The following PIBF1 variants were observed in gnomAD, a reference collection of about 807,000 sequenced individuals.
The protein encoded by PIBF1 is progesterone-induced-blocking factor 1.
A neutral mutation model predicts 112.5 loss-of-function variants in PIBF1; 90 were observed. That is an observed-to-expected ratio of 0.80 (90% CI 0.67 to 0.95). The LOEUF (loss-of-function observed/expected upper bound fraction) is 0.95, where lower values mean the gene tolerates loss of function less well. PIBF1 is among the 40% of genes least tolerant of loss of function. PIBF1 has a pLI of 0.00. For missense variants in PIBF1, 915 were observed against 852.3 expected, an observed-to-expected ratio of 1.07 and a Z score of -0.92; for synonymous variants, 301 against 288.6, an observed-to-expected ratio of 1.04 and a Z score of -0.44.
intron 9 of PIBF1, among the ~76,000 whole-genome samples, chr13:72,846,845 T>G (rs1004473313): frequency 2.0e-5 from 3 of 152,332 alleles, no homozygotes; most frequent in Admixed American, 1.3e-4. Flanking sequence ...GTAGGAGTTT[T>G]CATGTATCGT....
chr13:72,799,983 A>G (rs896073349), intron 5 of PIBF1, among the ~76,000 whole-genome samples: 1 of 152,216 alleles, frequency 6.6e-6, no homozygotes, highest in African/African-American at 2.4e-5. Flanking sequence ...CTTGCCAAAC[A>G]CTAGGAAAAA....
chr13:72,854,817 G>GT (rs561575042), intron 10 of PIBF1, among the ~76,000 whole-genome samples: 16,550 of 144,196 alleles, frequency 0.11, 1,183 homozygotes, highest in Non-Finnish European at 0.17. Context: ...ATACTCCCTA[G>GT]TTTTTTTTTT....
At chr13:72,888,516 G>A (rs961431233) in intron 10 of PIBF1, among the ~76,000 whole-genome samples, 2 of 152,066 alleles carry the variant, frequency 1.3e-5, no homozygotes, top group Non-Finnish European at 2.9e-5. Context: ...TTAAATGTTT[G>A]CTTGTGCATG....
At chr13:72,855,721 T>C (rs1280138519) in intron 10 of PIBF1, among the ~76,000 whole-genome samples, 1 of 152,150 alleles carries the variant, frequency 6.6e-6, no homozygotes. Context: ...GTAAATCAGC[T>C]CCTTTCATTA....
At chr13:72,820,663 G>A (rs151068281) in intron 5 of PIBF1, among the ~76,000 whole-genome samples, 11 of 152,216 alleles carry the variant, frequency 7.2e-5, no homozygotes, top group African/African-American at 2.6e-4. Context: ...TGCCTAATCC[G>A]TGACCAGTCA....
At chr13:72,914,283 GTAT>G (rs2041007650) in intron 12 of PIBF1, among the ~76,000 whole-genome samples, 1 of 151,554 alleles carries the variant, frequency 6.6e-6, no homozygotes, top group African/African-American at 2.4e-5. Flanking sequence ...AATCAAATAA[GTAT>G]TATTTGGATA....
chr13:72,958,813 CG>C (rs1225076102), intron 14 of PIBF1, among the ~76,000 whole-genome samples: 8 of 152,114 alleles, frequency 5.3e-5, no homozygotes, highest in Admixed American at 2.0e-4. Context: ...AAGTTCAAGA[CG>C]TAAAATGATT....
At chr13:72,884,481 G>C (rs528991931) in intron 10 of PIBF1, 1 of 152,120 alleles carries the variant, frequency 6.6e-6, no homozygotes, top group Non-Finnish European at 1.5e-5. Context: ...GAGGACATAA[G>C]AAAAGTGTAG....
intron 14 of PIBF1, among the ~76,000 whole-genome samples, chr13:72,932,669 G>A (rs2138776063): frequency 6.6e-6 from 1 of 152,276 alleles, no homozygotes; most frequent in Non-Finnish European, 1.5e-5. Context: ...AGTACTTAAT[G>A]TTTGCACCAT....
chr13:72,964,103 A>G (rs956738905), intron 14 of PIBF1, among the ~76,000 whole-genome samples: 3 of 152,250 alleles, frequency 2.0e-5, no homozygotes, highest in African/African-American at 7.2e-5. Context: ...CAAGAGATCA[A>G]TGGATAAACA....
chr13:72,883,653 A>C (rs903087030), intron 10 of PIBF1, among the ~76,000 whole-genome samples: 2 of 152,064 alleles, frequency 1.3e-5, no homozygotes, highest in Non-Finnish European at 2.9e-5. Context: ...ACACCAGCTA[A>C]TTTTTTCTAT....
intron 16 of PIBF1, chr13:72,974,107 A>G (rs2042964224): frequency 5.8e-6 from 1 of 171,840 alleles, no homozygotes; most frequent in South Asian, 2.0e-4. Context: ...TATAATTCCT[A>G]TTTTATAGAT....
chr13:72,931,079 T>A, intron 13 of PIBF1, 86 bp from the exon 14 acceptor site: 1 of 740,304 alleles, frequency 1.4e-6, no homozygotes, highest in Non-Finnish European at 2.3e-6. Context: ...GGAAATGATG[T>A]CTATTTTCAA....
At chr13:72,978,363 G>T (rs965520785) in intron 16 of PIBF1, among the ~76,000 whole-genome samples, 1 of 152,166 alleles carries the variant, frequency 6.6e-6, no homozygotes, top group South Asian at 2.1e-4. Context: ...ATGCTGATAA[G>T]AGTTAAATAA....
intron 17 of PIBF1, among the ~76,000 whole-genome samples, chr13:73,011,987 A>T (rs995707031): frequency 9.2e-5 from 14 of 152,212 alleles, no homozygotes; most frequent in African/African-American, 2.9e-4. Flanking sequence ...GTGAGCAGAA[A>T]GATGAAAATC....
chr13:72,794,427 G>A (rs1242410425), intron 3 of PIBF1, among the ~76,000 whole-genome samples: 2 of 152,158 alleles, frequency 1.3e-5, no homozygotes, highest in African/African-American at 4.8e-5. Flanking sequence ...ATGTGTGTCT[G>A]TTAATGGGAT....
intron 10 of PIBF1, among the ~76,000 whole-genome samples, chr13:72,875,125 T>G (rs1340404563): frequency 1.3e-5 from 2 of 152,158 alleles, no homozygotes; most frequent in East Asian, 3.9e-4. Context: ...GTCTCCATGG[T>G]TTTATCTTTT....
chr13:72,808,799 G>T (rs555069711), intron 5 of PIBF1, among the ~76,000 whole-genome samples: 1 of 152,162 alleles, frequency 6.6e-6, no homozygotes, highest in African/African-American at 2.4e-5. Context: ...ATCCAACCTG[G>T]CACAGAATGG....
chr13:72,797,164 A>G (rs2035238245), intron 4 of PIBF1, among the ~76,000 whole-genome samples: 1 of 152,160 alleles, frequency 6.6e-6, no homozygotes, highest in African/African-American at 2.4e-5. Context: ...ATTCATTCTG[A>G]TTAGACTTCC....
Sources: allele counts gnomAD v4.1 joint callset (sites outside exome capture counted in the v4.1 genomes callset), GRCh38; gene constraint gnomAD v4.1.1; transcripts MANE v1.5; gene names NCBI Gene and HGNC (gene_info 2026-07-23, HGNC 2026-07-21).